Variants in GRHPR observed in about 807,000 individuals in gnomAD.
GRHPR encodes the protein glyoxylate and hydroxypyruvate reductase, also known as glyoxylate reductase/hydroxypyruvate reductase.
In GRHPR, 35 loss-of-function variants were observed where a neutral mutation model predicts 36.8. The observed-to-expected ratio is 0.95, with a 90% CI of 0.73 to 1.26. GRHPR has a LOEUF of 1.26. Among genes scored for constraint, GRHPR ranks in the 50% most tolerant of loss-of-function variants. The probability of loss-of-function intolerance (pLI) is 0.00; values close to 1 mark genes in which losing one functional copy is unlikely to be tolerated. For synonymous variants in GRHPR, 179 were observed against 181.0 expected (o/e 0.99, Z 0.09); for missense variants, 380 against 435.0 (o/e 0.87, Z 1.12).
intron 1 of GRHPR, among the ~76,000 whole-genome samples, chr9:37,424,360 T>C (rs1222704977): frequency 1.3e-5 from 2 of 152,234 alleles, no homozygotes; most frequent in East Asian, 1.9e-4. Context: ...GGGACAAATA[T>C]CTGGTTGCTG....
chr9:37,433,454 G>A (rs544619466), intron 8 of GRHPR, among the ~76,000 whole-genome samples: 3 of 152,088 alleles, frequency 2.0e-5, no homozygotes, highest in Admixed American at 6.5e-5. Flanking sequence ...GGCTGGTCTC[G>A]AATTCCTGAC....
chr9:37,422,611 C>G, upstream of GRHPR: 1 of 712,044 alleles, frequency 1.4e-6, no homozygotes, highest in Non-Finnish European at 2.5e-6. Flanking sequence ...ACCCGGCGCT[C>G]CCTCTCGCGA....
chr9:37,423,142 CTCT>C (rs908357622), intron 1 of GRHPR, among the ~76,000 whole-genome samples: 4 of 151,444 alleles, frequency 2.6e-5, no homozygotes, highest in South Asian at 2.1e-4. Context: ...GCTTTGATGA[CTCT>C]TCTTCTTTAT....
At chr9:37,434,603 C>G (rs1282801487) in intron 8 of GRHPR, 8 of 214,616 alleles carry the variant, frequency 3.7e-5, no homozygotes, top group African/African-American at 1.8e-4. Flanking sequence ...CCATAGGACT[C>G]CAGTCCTTCC....
Position 37,432,131 on chromosome 9 carries a change from G to T in GRHPR, c.858G>T (p.Lys286Asn). 6.2e-7 allele frequency: 1 copy of T among 1,613,998 alleles called. No homozygotes were observed. The highest frequency in any genetic ancestry group is 1.7e-5 in the Admixed American group (1 of 60,016). ...LPTNHPLLTL[K>N]NCVILPHIGS... is the part of the protein sequence containing the mutation. ...CAAACCACCCTCTCCTGACCCTGAA[G>T]AACTGTGGTAAGAACTGCACTTTCT... The change falls in exon 8 of 9, where the codon AAG becomes AAT. Residue 286 changes from lysine to asparagine, a missense_variant. By Grantham distance (94) the Lys-to-Asn change is moderately conservative. Transcript: ENST00000318158.
chr9:37,435,993 CTG>C (rs1823624301), intron 8 of GRHPR, among the ~76,000 whole-genome samples: 1 of 152,128 alleles, frequency 6.6e-6, no homozygotes, highest in Non-Finnish European at 1.5e-5. Flanking sequence ...TCAGAGATAA[CTG>C]TGCTGTTCAG....
intron 7 of GRHPR, 76 bp downstream of exon 7, chr9:37,430,722 C>T (rs760304522): frequency 1.4e-6 from 2 of 1,421,316 alleles, no homozygotes; most frequent in South Asian, 1.2e-5. Context: ...ATTTTCTTCC[C>T]CGTGGGTTGT....
At chr9:37,430,002 C>T in intron 6 of GRHPR, 166 bp downstream of exon 6, 1 of 673,680 alleles carries the variant, frequency 1.5e-6, no homozygotes, top group Non-Finnish European at 2.7e-6. Flanking sequence ...CTGGCCCACT[C>T]AGGGAGCACA....
intron 2 of GRHPR, among the ~76,000 whole-genome samples, chr9:37,425,715 T>G (rs1564297021): frequency 1.3e-5 from 2 of 152,224 alleles, no homozygotes; most frequent in Admixed American, 1.3e-4. Context: ...CGGCTCTGCC[T>G]GTGACTGAGC....
At chr9:37,422,674 C>T, upstream of GRHPR, 1 of 1,202,472 alleles carries the variant, frequency 8.3e-7, no homozygotes, top group Non-Finnish European at 1.2e-6. Context: ...CCACTCCAGC[C>T]TGGCCCCGCC....
chr9:37,429,764 G>T lies in GRHPR; in HGVS notation c.526G>T (p.Gly176Cys), dbSNP rs377374419. The T allele has an allele frequency of 3.7e-6, 6 of 1,613,342 alleles. No homozygotes were observed. Among genetic ancestry groups the T allele is most frequent in the South Asian group, 3.3e-5 (3 of 91,072 alleles). The change falls in exon 6 of 9, where the codon GGT becomes TGT. Residue 176 changes from glycine (G) to cysteine (C), a missense_variant. Gly to Cys is a radical substitution (Grantham distance 159). Coordinates refer to ENST00000318158, the MANE Select transcript of GRHPR (RefSeq NM_012203.2). The stretch of plus-strand genomic sequence containing the variant: ...CATTGCTCGGCGTCTGAAACCATTC[G>T]GTGTCCAGAGATTTCTGTACACAGG... ...QAIARRLKPFGVQRFLYTGRQ... is the reference protein window; with the variant it reads ...QAIARRLKPFCVQRFLYTGRQ...
rs370683440 is a variant in GRHPR, at chr9:37,424,793, G to A, written c.84-52G>A. 80 of 1,589,624 alleles carry A rather than the reference G, an allele frequency of 5.0e-5. No individual in the cohort carries two copies. In the African/African-American group the frequency reaches 7.1e-4, roughly 14 times the overall value. ...GCCAGGATTCCCAGCTGGGAGGGGC[G>A]GGGACAGGTGTGCGGCTCCTGCTTC... On this transcript the variant is annotated intron_variant, in intron 1 of 8. Coordinates refer to ENST00000318158, the MANE Select transcript of GRHPR (RefSeq NM_012203.2).
chr9:37,428,531 TCACGCAGAG>T lies in GRHPR; in HGVS notation c.456_464del (p.Gln153_Thr155del), dbSNP rs1243273371. ...CCCCTCTGGCTGTGTGGCTATGGAC[TCACGCAGAG>T]CACTGTCGGCATCATCGGGCTGGGG... On this transcript the variant is annotated inframe_deletion, in exon 5 of 9. Transcript: ENST00000318158. 6.2e-7 allele frequency: 1 copy of T among 1,612,278 alleles called. No homozygotes were observed. The highest frequency in any genetic ancestry group is 1.3e-5 in the African/African-American group (1 of 74,934).
intron 1 of GRHPR, among the ~76,000 whole-genome samples, chr9:37,423,082 G>C (rs1207802836): frequency 1.3e-5 from 2 of 152,182 alleles, no homozygotes; most frequent in African/African-American, 4.8e-5. Context: ...GGACATGTGG[G>C]GTCAGGGACA....
chr9:37,435,830 G>A (rs1823614802), intron 8 of GRHPR, among the ~76,000 whole-genome samples: 1 of 152,188 alleles, frequency 6.6e-6, no homozygotes, highest in African/African-American at 2.4e-5. Flanking sequence ...TAAAGATGAT[G>A]TCTCGCTATG....
downstream of GRHPR, among the ~76,000 whole-genome samples, chr9:37,437,870 G>A (rs1360727866): frequency 2.0e-5 from 3 of 152,152 alleles, no homozygotes; most frequent in Non-Finnish European, 4.4e-5. Context: ...ACAAGATTAC[G>A]CAGGCCCTCA....
downstream of GRHPR, among the ~76,000 whole-genome samples, chr9:37,437,535 G>T (rs72739645): frequency 6.1e-3 from 927 of 152,298 alleles, 5 homozygotes; most frequent in Middle Eastern, 0.02. Flanking sequence ...GAGTTAACTG[G>T]AAGAAATGAG....
chr9:37,422,873 T>A, intron 1 of GRHPR, 40 bp downstream of exon 1: 2 of 1,451,694 alleles, frequency 1.4e-6, no homozygotes, highest in Non-Finnish European at 1.9e-6. Flanking sequence ...AGCAGGGCGG[T>A]CCCAGGGACC....
upstream of GRHPR, chr9:37,422,612 C>A: frequency 1.4e-6 from 1 of 715,796 alleles, no homozygotes; most frequent in South Asian, 1.5e-5. Context: ...CCCGGCGCTC[C>A]CTCTCGCGAA....
Sources: gnomAD v4.1 joint callset for allele counts (sites outside exome capture counted in the v4.1 genomes callset) on GRCh38, gnomAD v4.1.1 for gene constraint, MANE v1.5 for transcripts, NCBI Gene and HGNC (gene_info 2026-07-23, HGNC 2026-07-21) for gene names.